The following PTGFRN variants were observed in gnomAD, a reference collection of about 807,000 sequenced individuals.
PTGFRN encodes prostaglandin F2 receptor inhibitor, also known as prostaglandin F2 receptor negative regulator.
A neutral mutation model predicts 83.2 loss-of-function variants in PTGFRN; 35 were observed. The ratio of observed to expected loss-of-function variants is 0.42; its 90% CI spans 0.32 to 0.56. PTGFRN has a LOEUF of 0.56. Ranked by LOEUF, PTGFRN falls within the 20% of genes least tolerant of loss-of-function variation. The pLI is 0.11. For missense variants in PTGFRN, 1,051 were observed against 1,179.5 expected (o/e 0.89, Z 1.60); for synonymous variants, 519 against 498.6 (o/e 1.04, Z -0.55).
chr1:116,970,402 G>A (rs1379098301), intron 6 of PTGFRN, among the ~76,000 whole-genome samples: 2 of 152,058 alleles, frequency 1.3e-5, no homozygotes, highest in East Asian at 1.9e-4. Context: ...AGATTATTAT[G>A]TGGTTTTTGT....
At chr1:116,953,686 A>T (rs1420026156) in intron 4 of PTGFRN, among the ~76,000 whole-genome samples, 3 of 151,894 alleles carry the variant, frequency 2.0e-5, no homozygotes, top group African/African-American at 4.8e-5. Flanking sequence ...GCATAGAGGA[A>T]TTAGGAACAT....
chr1:116,981,968 A>G (rs1651333337), intron 7 of PTGFRN, among the ~76,000 whole-genome samples: 1 of 152,124 alleles, frequency 6.6e-6, no homozygotes, highest in African/African-American at 2.4e-5. Flanking sequence ...AAAAGAAACA[A>G]TCCCACCCAC....
chr1:116,910,977 C>T (rs1446526461), intron 1 of PTGFRN, among the ~76,000 whole-genome samples: 1 of 152,102 alleles, frequency 6.6e-6, no homozygotes, highest in African/African-American at 2.4e-5. Context: ...CGTCTTCCAC[C>T]CTCCGGAAAC....
chr1:116,958,044 C>G lies in PTGFRN; in HGVS notation c.1214-3199C>G, dbSNP rs1650546708. ...TGATGGACACGGGTTGATTCCATAT[C>G]TTGGCCCTTGTGAATAATGCTGCAA... On this transcript the variant is annotated intron_variant, in intron 4 of 8. Transcript: ENST00000393203. The surrounding 1 kb of genome is among the most constrained non-coding windows in gnomAD (Gnocchi z 4.9). 1.3e-5 allele frequency among the ~76,000 whole-genome samples: 2 copies of G among 151,900 alleles called. No individual in the cohort carries two copies. Among genetic ancestry groups the G allele is most frequent in the African/African-American group, 4.8e-5 (2 of 41,310 alleles).
At chr1:116,983,855 C>T (rs376533160) in intron 7 of PTGFRN, among the ~76,000 whole-genome samples, 97 of 152,226 alleles carry the variant, frequency 6.4e-4, no homozygotes, top group Non-Finnish European at 1.1e-3. Flanking sequence ...ATCTCAGAGC[C>T]GACACAGCTG....
At chr1:116,913,847 A>G (rs1649335504) in intron 1 of PTGFRN, among the ~76,000 whole-genome samples, 1 of 152,222 alleles carries the variant, frequency 6.6e-6, no homozygotes, top group South Asian at 2.1e-4. Context: ...AACTAGTGCA[A>G]CATAAATTGG....
At chr1:116,912,652 A>C (rs1649302364) in intron 1 of PTGFRN, among the ~76,000 whole-genome samples, 1 of 151,722 alleles carries the variant, frequency 6.6e-6, no homozygotes, top group Non-Finnish European at 1.5e-5. Context: ...CCTCCCTTTT[A>C]AGCTCATCCT....
Position 116,984,871 on chromosome 1 carries a change from G to A in PTGFRN, c.2359G>A (p.Asp787Asn). 2 of 1,614,176 alleles carry A rather than the reference G, an allele frequency of 1.2e-6. No individual in the cohort carries two copies. The highest frequency in any genetic ancestry group is 1.7e-6 in the Non-Finnish European group (2 of 1,180,048). The change falls in exon 8 of 9, where the codon GAC (aspartate) becomes AAC (asparagine). Residue 787 changes from aspartate to asparagine, a missense_variant. Around this residue, in one of 3 missense-constraint regions of PTGFRN, gnomAD observed 719 missense variants for 836.6 expected, o/e 0.86. Coordinates refer to ENST00000393203, the MANE Select transcript of PTGFRN (RefSeq NM_020440.4). ...GCAAGTGCATGGCTCCGAGGACCAG[G>A]ACTTTGGCAACTACTACTGTTCCGT... ...LLQVHGSEDQ[D>N]FGNYYCSVTP...
At chr1:116,950,825 G>GATTT (rs1650325979) in intron 4 of PTGFRN, among the ~76,000 whole-genome samples, 2 of 152,172 alleles carry the variant, frequency 1.3e-5, no homozygotes, top group Admixed American at 1.3e-4. Flanking sequence ...TATCTGAAAA[G>GATTT]TAAAAGAAGC....
rs1209001047 is a variant in PTGFRN, at chr1:116,910,201, A to G, written c.-3A>G. On this transcript the variant is annotated 5_prime_UTR_variant, in exon 1 of 9. Coordinates refer to ENST00000393203, the MANE Select transcript of PTGFRN (RefSeq NM_020440.4). ...GGGGGAGAGTCGCTCCCGCCGGGCG[A>G]GCATGGGGCGCCTGGCCTCGAGGCC... is the stretch of plus-strand genomic sequence containing the variant. The G allele has an allele frequency of 6.8e-7, 1 of 1,477,730 alleles. No homozygotes were observed. The highest frequency in any genetic ancestry group is 2.3e-5 in the Admixed American group (1 of 44,152). The allele number at this position is 1,477,730 out of a possible 1,614,324, so 91.5% of individuals were successfully genotyped here.
intron 2 of PTGFRN, 85 bp downstream of exon 2, chr1:116,942,168 A>C: frequency 6.7e-7 from 1 of 1,485,930 alleles, no homozygotes; most frequent in South Asian, 1.4e-5. Context: ...AAGAGACTTA[A>C]TTTCTCTGAG....
chr1:116,983,840 G>T (rs1651388709), intron 7 of PTGFRN, among the ~76,000 whole-genome samples: 1 of 152,166 alleles, frequency 6.6e-6, no homozygotes, highest in South Asian at 2.1e-4. Flanking sequence ...TTTGTTGCTG[G>T]ATGAATCTCA....
chr1:116,958,537 A>G lies in PTGFRN; in HGVS notation c.1214-2706A>G, dbSNP rs555283654. Among the ~76,000 whole-genome samples, 1 of 152,294 alleles carries G rather than the reference A, an allele frequency of 6.6e-6. No homozygotes were observed. Among genetic ancestry groups the G allele is most frequent in the Admixed American group, 6.5e-5 (1 of 15,302 alleles). ...CCCCTCAGAAATGGGAACTGTGAATAATGATCACAAATATATACACGTGTA... is the reference window on the plus strand; with the variant it reads ...CCCCTCAGAAATGGGAACTGTGAATGATGATCACAAATATATACACGTGTA... On this transcript the variant is annotated intron_variant, in intron 4 of 8. Transcript: ENST00000393203. The surrounding 1 kb of genome is among the most constrained non-coding windows in gnomAD (Gnocchi z 4.9).
At chr1:116,944,493 T>C (rs1385514956) in intron 2 of PTGFRN, among the ~76,000 whole-genome samples, 186 bp from the exon 3 acceptor site, 1 of 152,260 alleles carries the variant, frequency 6.6e-6, no homozygotes, top group East Asian at 1.9e-4. Flanking sequence ...TTGGTACCTT[T>C]ATTTTTCTTT....
chr1:116,932,338 C>A (rs909872826), intron 1 of PTGFRN, among the ~76,000 whole-genome samples: 4 of 152,134 alleles, frequency 2.6e-5, no homozygotes, highest in African/African-American at 9.7e-5. Flanking sequence ...CCCATCGATT[C>A]CACCTGATAG....
intron 1 of PTGFRN, among the ~76,000 whole-genome samples, chr1:116,924,607 A>G (rs1321308837): frequency 1.3e-5 from 2 of 152,150 alleles, no homozygotes; most frequent in African/African-American, 4.8e-5. Flanking sequence ...GTCACTTCCC[A>G]AGGTGCTGAG....
intron 4 of PTGFRN, among the ~76,000 whole-genome samples, chr1:116,953,858 T>C (rs1650412002): frequency 6.7e-6 from 1 of 150,168 alleles, no homozygotes; most frequent in Admixed American, 6.6e-5. Flanking sequence ...TATTTCTTTT[T>C]TTTTTTTTTT....
rs753474475 is a variant in PTGFRN, at chr1:116,986,949, G to C, written c.2622G>C (p.Met874Ile). Residue 874 changes from methionine to isoleucine, a missense_variant, in exon 9 of 9, where the codon ATG becomes ATC. This residue lies in a region of PTGFRN where 719 missense variants were observed against 836.6 expected (regional missense o/e 0.86). Coordinates refer to ENST00000393203, the MANE Select transcript of PTGFRN (RefSeq NM_020440.4). ...QETRRERRRL[M>I]SMEMD ...CACGGCGCGAGCGCCGCAGGCTCAT[G>C]TCGATGGAGATGGACTAGGCTGGCC... The C allele has an allele frequency of 6.2e-7, 1 of 1,614,246 alleles. No homozygotes were observed. The highest frequency in any genetic ancestry group is 1.1e-5 in the South Asian group (1 of 91,090).
chr1:116,941,659 G>A lies in PTGFRN; in HGVS notation c.50-56G>A. On this transcript the variant is annotated intron_variant, in intron 1 of 8. Coordinates refer to ENST00000393203, the MANE Select transcript of PTGFRN (RefSeq NM_020440.4). The surrounding 1 kb of genome is among the most constrained non-coding windows in gnomAD (Gnocchi z 5.0). Reference sequence around the variant, plus strand: ...GAGCATCCACAGGTTTGCCACATTTGTCCTGGGAAGACTTTCTGTGATTAA... The same window carrying A: ...GAGCATCCACAGGTTTGCCACATTTATCCTGGGAAGACTTTCTGTGATTAA... 1 of 1,549,474 alleles carries A rather than the reference G, an allele frequency of 6.5e-7. No individual in the cohort carries two copies. Among genetic ancestry groups the A allele is most frequent in the Non-Finnish European group, 8.7e-7 (1 of 1,151,060 alleles).
Sources: allele counts gnomAD v4.1 joint callset (sites outside exome capture counted in the v4.1 genomes callset), GRCh38; gene constraint gnomAD v4.1.1; regional missense constraint gnomAD v4.1.1; non-coding constraint Gnocchi (gnomAD v3.1); transcripts MANE v1.5; gene names NCBI Gene and HGNC (gene_info 2026-07-23, HGNC 2026-07-21).